The following GRAMD4 variants were observed in gnomAD, a reference collection of about 807,000 sequenced individuals.
GRAMD4 encodes GRAM domain containing 4.
Under a neutral mutation model 83.9 loss-of-function variants are expected in GRAMD4, and 25 were observed. That is an observed-to-expected ratio of 0.30 (90% CI 0.22 to 0.42). The LOEUF (loss-of-function observed/expected upper bound fraction) is 0.42. Ranked by LOEUF, GRAMD4 falls within the 10% of genes least tolerant of loss-of-function variation. The pLI, the probability that GRAMD4 is intolerant of heterozygous loss-of-function variation, is 1.00. For missense variants in GRAMD4, 593 were observed against 788.7 expected (o/e 0.75, Z 2.97); for synonymous variants, 336 against 320.9 (o/e 1.05, Z -0.50).
chr22:46,630,128 G>A lies in GRAMD4; in HGVS notation c.162+3167G>A, dbSNP rs549985786. 3.8e-4 allele frequency among the ~76,000 whole-genome samples: 57 copies of A among 151,826 alleles called. No individual in the cohort carries two copies. The South Asian group carries it at 5.2e-3, about 14-fold the overall frequency. On this transcript the variant is annotated intron_variant, in intron 2 of 18. Transcript: ENST00000406902. The stretch of plus-strand genomic sequence containing the variant: ...CAACCTCCACCTCCCAGGTTCAAGC[G>A]ATTCTCGTGCCTCAGCCTCCTAAGT...
intron 14 of GRAMD4, 135 bp from the exon 15 acceptor site, chr22:46,673,534 TG>T: frequency 9.1e-7 from 1 of 1,103,788 alleles, no homozygotes; most frequent in Non-Finnish European, 1.3e-6. Context: ...GGAGCCGCTC[TG>T]GGCCGGAAGG....
chr22:46,609,443 A>G (rs866517343), intron 1 of GRAMD4, among the ~76,000 whole-genome samples: 1 of 152,364 alleles, frequency 6.6e-6, no homozygotes, highest in African/African-American at 2.4e-5. Flanking sequence ...ACATTTAAAC[A>G]AAAGAAGTTG....
At chr22:46,633,160 G>A (rs1266676674) in intron 2 of GRAMD4, among the ~76,000 whole-genome samples, 1 of 152,142 alleles carries the variant, frequency 6.6e-6, no homozygotes, top group African/African-American at 2.4e-5. Context: ...AGGCCTCCCC[G>A]AAAGTATGCC....
intron 2 of GRAMD4, among the ~76,000 whole-genome samples, chr22:46,635,152 C>T (rs563518681): frequency 5.0e-5 from 7 of 140,802 alleles, no homozygotes; most frequent in Admixed American, 2.1e-4. Context: ...TCCCTGCCTC[C>T]ACCCCTGGCC....
chr22:46,646,268 C>T (rs577021970), intron 3 of GRAMD4, among the ~76,000 whole-genome samples: 1 of 152,328 alleles, frequency 6.6e-6, no homozygotes, highest in East Asian at 1.9e-4. Context: ...AAGAGTGTGA[C>T]TTGGAGAGAG....
chr22:46,623,421 G>A (rs1016847307), intron 1 of GRAMD4, among the ~76,000 whole-genome samples: 2 of 151,992 alleles, frequency 1.3e-5, no homozygotes, highest in African/African-American at 2.4e-5. Context: ...AGAGTCTCAC[G>A]CTGCCCCCCA....
intron 1 of GRAMD4, among the ~76,000 whole-genome samples, chr22:46,590,773 G>A (rs574889093): frequency 6.6e-6 from 1 of 152,354 alleles, no homozygotes; most frequent in East Asian, 1.9e-4. Context: ...TATAAAAACA[G>A]CCAGAGGCCG....
intron 1 of GRAMD4, among the ~76,000 whole-genome samples, chr22:46,585,883 C>G (rs1371484936): frequency 6.6e-6 from 1 of 152,218 alleles, no homozygotes; most frequent in Non-Finnish European, 1.5e-5. Context: ...AGCCTCTGTG[C>G]AAGGCTCCTG....
At chr22:46,591,241 G>A (rs5769002) in intron 1 of GRAMD4, among the ~76,000 whole-genome samples, 15,488 of 152,240 alleles carry the variant, frequency 0.1, 890 homozygotes, top group East Asian at 0.27. Flanking sequence ...ACAGGGCTGG[G>A]TGCAGTGGCT....
chr22:46,664,073 T>C lies in GRAMD4; in HGVS notation c.673T>C (p.Leu225=), dbSNP rs1364359006. The C allele has an allele frequency of 6.2e-7, 1 of 1,613,552 alleles. No homozygotes were observed. The highest frequency in any genetic ancestry group is 1.1e-5 in the South Asian group (1 of 91,084). The change falls in exon 8 of 19, where the codon TTA becomes CTA. Residue 225 remains leucine, a synonymous_variant. Transcript: ENST00000406902. ...TAACTTTGTGAAGAACCTCTCTGCCTTATCCGACTGGTACTCCGTCTACAC... is the reference window on the plus strand; with the variant it reads ...TAACTTTGTGAAGAACCTCTCTGCCCTATCCGACTGGTACTCCGTCTACAC... ...VTNFVKNLSA[L]SDWYSVYTSA...
At position 46,620,567 on chromosome 22, in the gene GRAMD4, T is replaced by TGGGGGGC. The variant is rs2081558768; in HGVS notation, c.-50+2_-50+3insGGGGGGC. 8.6e-6 allele frequency: 1 copy of TGGGGGGC among 115,874 alleles called. No homozygotes were observed. Among genetic ancestry groups the TGGGGGGC allele is most frequent in the African/African-American group, 6.3e-5 (1 of 15,910 alleles). 7.2% of individuals were successfully genotyped at this position (115,874 alleles called of 1,614,324 possible). A position where few individuals can be genotyped will look rare whatever the true frequency, so the allele number is the denominator to read the frequency against. ...TGGATGTATCTGAGACAGACGGAGG[T>TGGGGGGC]AGGGGGCAGGGGGCAGGGGGCAGGG... On this transcript the variant is annotated splice_region_variant and intron_variant, in intron 1 of 18. Coordinates refer to ENST00000406902, the MANE Select transcript of GRAMD4 (RefSeq NM_015124.5). The surrounding 1 kb of genome is among the most constrained non-coding windows in gnomAD (Gnocchi z 4.7).
At position 46,622,775 on chromosome 22, in the gene GRAMD4, G is replaced by T. The variant is rs1371054522; in HGVS notation, c.-50+2210G>T. ...AAAAATACAAAAAATTAGCTGGTGT[G>T]GTGGCGGGTGCCTGTAGTCCCAGCT... On this transcript the variant is annotated intron_variant, in intron 1 of 18. Transcript: ENST00000406902. The surrounding 1 kb of genome is among the most constrained non-coding windows in gnomAD (Gnocchi z 4.0). Among the ~76,000 whole-genome samples the T allele has an allele frequency of 1.3e-5, 2 of 152,074 alleles. No individual in the cohort carries two copies. The highest frequency in any genetic ancestry group is 4.8e-5 in the African/African-American group (2 of 41,400).
rs111921366 is a variant in GRAMD4, at chr22:46,603,683, T to A, written c.-49-23068T>A. On this transcript the variant is annotated intron_variant, in intron 1 of 1. Coordinates refer to the GRAMD4 transcript ENST00000431155. ...AGGCGCCCACCACCACGCCTGGCTA[T>A]TTTTTTGTATTTTTAGTAGAGACGG... Among the ~76,000 whole-genome samples the A allele has an allele frequency of 3.0e-3, 457 of 150,778 alleles. 1 individual carries two copies. The highest frequency in any genetic ancestry group is 5.3e-3 in the Non-Finnish European group (356 of 67,702).
chr22:46,584,806 C>T (rs1369795997), intron 1 of GRAMD4, among the ~76,000 whole-genome samples: 1 of 152,220 alleles, frequency 6.6e-6, no homozygotes, highest in Admixed American at 6.5e-5. Context: ...CAGGGACGGG[C>T]ACGGGCTTGG....
chr22:46,677,027 G>A, intron 18 of GRAMD4, 120 bp from the exon 19 acceptor site: 1 of 1,181,056 alleles, frequency 8.5e-7, no homozygotes, highest in Non-Finnish European at 1.2e-6. Flanking sequence ...CCTGTCTTTT[G>A]CACCCAGACC....
chr22:46,681,165 C>T (rs1433257227), downstream of GRAMD4, among the ~76,000 whole-genome samples: 2 of 149,760 alleles, frequency 1.3e-5, no homozygotes, highest in Non-Finnish European at 3.0e-5. Context: ...CCCACACTGA[C>T]CCCTCCACAC....
At chr22:46,633,892 C>T (rs1247882282) in intron 2 of GRAMD4, among the ~76,000 whole-genome samples, 2 of 152,162 alleles carry the variant, frequency 1.3e-5, no homozygotes, top group East Asian at 1.9e-4. Context: ...TTGTTTAGGC[C>T]GCCTTCCCGG....
chr22:46,677,871 G>A lies in GRAMD4; in HGVS notation c.*620G>A, dbSNP rs932320352. ...TGCCTGCGCTCCACACTCGCTCCAC[G>A]GGAACAGAGAGGGTGAGAAGGGCCC... On this transcript the variant is annotated 3_prime_UTR_variant, in exon 19 of 19. Coordinates refer to ENST00000406902, the MANE Select transcript of GRAMD4 (RefSeq NM_015124.5). 13 of 985,056 alleles carry A rather than the reference G, an allele frequency of 1.3e-5. No individual in the cohort carries two copies. In the South Asian group the frequency reaches 2.3e-4, roughly 18 times the overall value. The allele number at this position is 985,056 out of a possible 1,614,324, so 61.0% of individuals were successfully genotyped here.
intron 3 of GRAMD4, among the ~76,000 whole-genome samples, chr22:46,646,912 G>A (rs2082080434): frequency 6.6e-6 from 1 of 152,206 alleles, no homozygotes; most frequent in Admixed American, 6.5e-5. Context: ...ATAGCAGCAG[G>A]CAAAGAGAGA....
Sources: gnomAD v4.1 joint callset for allele counts (sites outside exome capture counted in the v4.1 genomes callset) on GRCh38, gnomAD v4.1.1 for gene constraint, Gnocchi (gnomAD v3.1) non-coding constraint, MANE v1.5 for transcripts, NCBI Gene and HGNC (gene_info 2026-07-23, HGNC 2026-07-21) for gene names.